The following PKIB variants were observed in gnomAD, a reference collection of about 807,000 sequenced individuals.
The protein encoded by PKIB is cAMP-dependent protein kinase inhibitor beta.
A neutral mutation model predicts 4.5 loss-of-function variants in PKIB; 2 were observed. The ratio of observed to expected loss-of-function variants is 0.44; its 90% CI spans 0.18 to 1.39. PKIB has a LOEUF of 1.39. Ranked by LOEUF, PKIB falls within the 40% of genes most tolerant of loss-of-function variation. PKIB has a pLI of 0.27. For missense variants in PKIB, 94 were observed against 92.6 expected, an observed-to-expected ratio of 1.02 and a Z score of -0.06; for synonymous variants, 38 against 36.0, an observed-to-expected ratio of 1.06 and a Z score of -0.20.
intron 2 of PKIB, among the ~76,000 whole-genome samples, chr6:122,577,198 G>T (rs1285345039): frequency 6.6e-6 from 1 of 152,108 alleles, no homozygotes; most frequent in Non-Finnish European, 1.5e-5. Flanking sequence ...TAGCCAAATA[G>T]TATCATACGC....
At chr6:122,528,902 G>A (rs1276969146) in intron 2 of PKIB, among the ~76,000 whole-genome samples, 2 of 151,806 alleles carry the variant, frequency 1.3e-5, no homozygotes, top group Non-Finnish European at 2.9e-5. Context: ...AGAAAAAATG[G>A]AAAAAAAGAC....
In PKIB at chr6:122,701,014, G is replaced by T. The variant is rs980874440; in HGVS notation, c.-8-16773G>T. The T allele has an allele frequency of 1.8e-5, 3 of 162,826 alleles. No individual in the cohort carries two copies. The Admixed American group carries it at 1.9e-4, about 10-fold the overall frequency. The allele number at this position is 162,826 out of a possible 1,614,324, so 10.1% of individuals were successfully genotyped here. ...TGGGTTTTGCATTGGCAAATCATTT[G>T]AGTACCAAATGCTCCTTCCTCTCCC... On this transcript the variant is annotated intron_variant, in intron 3 of 4. Transcript: ENST00000368452.
intron 2 of PKIB, among the ~76,000 whole-genome samples, chr6:122,562,766 C>A (rs1438395784): frequency 6.6e-6 from 1 of 152,102 alleles, no homozygotes; most frequent in East Asian, 1.9e-4. Flanking sequence ...CTTTCTAGAG[C>A]ATTTCACATT....
intron 3 of PKIB, among the ~76,000 whole-genome samples, chr6:122,695,513 A>T (rs2115011784): frequency 6.6e-6 from 1 of 152,328 alleles, no homozygotes; most frequent in South Asian, 2.1e-4. Context: ...TATCAGATGA[A>T]TTACTGAAAC....
chr6:122,612,533 A>G (rs1203206476), intron 1 of PKIB, among the ~76,000 whole-genome samples: 1 of 152,166 alleles, frequency 6.6e-6, no homozygotes. Flanking sequence ...TTTTATATAA[A>G]TGGAATGATA....
intron 3 of PKIB, among the ~76,000 whole-genome samples, chr6:122,688,149 T>C (rs1401605999): frequency 6.6e-6 from 1 of 152,132 alleles, no homozygotes; most frequent in Non-Finnish European, 1.5e-5. Flanking sequence ...TTTTCGAGGG[T>C]TTTTATCATG....
intron 3 of PKIB, among the ~76,000 whole-genome samples, chr6:122,603,295 T>G (rs576779153): frequency 6.6e-6 from 1 of 152,266 alleles, no homozygotes; most frequent in East Asian, 1.9e-4. Context: ...TCTGATAAAA[T>G]GTATATTTTC....
In PKIB at chr6:122,718,533, A is replaced by C. The variant is rs370302835; in HGVS notation, c.169+570A>C. 3.9e-5 allele frequency among the ~76,000 whole-genome samples: 6 copies of C among 152,202 alleles called. No individual in the cohort carries two copies. In the East Asian group the frequency reaches 1.2e-3, roughly 29 times the overall value. On this transcript the variant is annotated intron_variant, in intron 4 of 4. Coordinates refer to ENST00000368452, the MANE Select transcript of PKIB (RefSeq NM_181795.3). ...CTTTCATTTAAAAACCCTCATGGAGATTTAAAAAAACAAAACAAAACCCTG... is the reference window on the plus strand; with the variant it reads ...CTTTCATTTAAAAACCCTCATGGAGCTTTAAAAAAACAAAACAAAACCCTG...
intron 2 of PKIB, among the ~76,000 whole-genome samples, chr6:122,509,773 G>C (rs550017250): frequency 3.9e-5 from 6 of 152,142 alleles, no homozygotes; most frequent in Non-Finnish European, 7.4e-5. Flanking sequence ...CATTTTTATG[G>C]TATTATGTGG....
chr6:122,561,988 G>GTTTTT (rs796363707), intron 2 of PKIB, among the ~76,000 whole-genome samples: 1 of 24,272 alleles, frequency 4.1e-5, no homozygotes, highest in Non-Finnish European at 8.3e-5. Context: ...TTTTTTGTTT[G>GTTTTT]TTTTTGTTTT....
intron 2 of PKIB, among the ~76,000 whole-genome samples, chr6:122,544,820 A>G (rs1050209538): frequency 1.3e-5 from 2 of 152,026 alleles, no homozygotes; most frequent in African/African-American, 4.8e-5. Flanking sequence ...CCATCAAAAA[A>G]TAGGCGAGGG....
chr6:122,651,760 G>A (rs2815600), intron 2 of PKIB, among the ~76,000 whole-genome samples: 53,590 of 152,010 alleles, frequency 0.35, 10,123 homozygotes, highest in South Asian at 0.61. Context: ...GGCAGACACA[G>A]AAGTATTCAG....
intron 4 of PKIB, among the ~76,000 whole-genome samples, chr6:122,722,368 A>G (rs1411428132): frequency 6.6e-6 from 1 of 152,196 alleles, no homozygotes. Context: ...GCAAGATACT[A>G]GATTGACAAT....
At chr6:122,665,304 A>T (rs1162788459) in intron 2 of PKIB, among the ~76,000 whole-genome samples, 1 of 152,200 alleles carries the variant, frequency 6.6e-6, no homozygotes, top group Non-Finnish European at 1.5e-5. Context: ...CTTGCAGATA[A>T]TGCTTAAGAG....
intron 3 of PKIB, among the ~76,000 whole-genome samples, chr6:122,690,469 T>C (rs775739496): frequency 9.9e-5 from 15 of 152,144 alleles, no homozygotes; most frequent in Non-Finnish European, 2.1e-4. Context: ...TAACCCGTTA[T>C]GTTAAACTGA....
intron 2 of PKIB, among the ~76,000 whole-genome samples, chr6:122,576,711 T>TATATATATATATATATATA (rs1554221348): frequency 7.9e-5 from 6 of 75,670 alleles, no homozygotes; most frequent in African/African-American, 1.1e-4. Flanking sequence ...TATATATATA[T>TATATATATATATATATATA]TTTCTTTTGT....
chr6:122,551,874 C>CTTTTTTT (rs61025863), intron 2 of PKIB, among the ~76,000 whole-genome samples: 34 of 87,516 alleles, frequency 3.9e-4, no homozygotes, highest in African/African-American at 1.2e-3. Flanking sequence ...CTTAGTACAT[C>CTTTTTTT]TTTTTTTTTT....
intron 1 of PKIB, among the ~76,000 whole-genome samples, chr6:122,612,331 C>T: frequency 6.6e-6 from 1 of 151,978 alleles, no homozygotes; most frequent in East Asian, 1.9e-4. Context: ...TGTTAATTTT[C>T]TAAAAGTTGT....
intron 1 of PKIB, among the ~76,000 whole-genome samples, chr6:122,629,317 A>G (rs2114813762): frequency 6.6e-6 from 1 of 152,312 alleles, no homozygotes. Flanking sequence ...AGAGCTAATG[A>G]TGACCCAATC....
Sources: allele counts gnomAD v4.1 joint callset (sites outside exome capture counted in the v4.1 genomes callset), GRCh38; gene constraint gnomAD v4.1.1; transcripts MANE v1.5; gene names NCBI Gene and HGNC (gene_info 2026-07-23, HGNC 2026-07-21).